Variants in AGMO observed in about 807,000 individuals in gnomAD.
The protein encoded by AGMO is glyceryl-ether monooxygenase.
In AGMO, 75 loss-of-function variants were observed where a neutral mutation model predicts 60.2. The observed-to-expected ratio is 1.25, with a 90% CI of 1.03 to 1.51. The LOEUF is 1.51. Among genes scored for constraint, AGMO ranks in the 40% most tolerant of loss-of-function variants. The pLI is 0.00. For synonymous variants in AGMO, 261 were observed against 177.1 expected, an observed-to-expected ratio of 1.47 and a Z score of -3.76; for missense variants, 763 against 525.5, an observed-to-expected ratio of 1.45 and a Z score of -4.42.
At chr7:15,445,137 T>A (rs760568683) in intron 3 of AGMO, among the ~76,000 whole-genome samples, 3 of 152,192 alleles carry the variant, frequency 2.0e-5, no homozygotes, top group Non-Finnish European at 4.4e-5. Flanking sequence ...AGCGAACATG[T>A]CTAAAACTTG....
chr7:15,394,397 G>A (rs1047417464), intron 5 of AGMO, among the ~76,000 whole-genome samples: 10 of 152,120 alleles, frequency 6.6e-5, no homozygotes, highest in Admixed American at 5.9e-4. Context: ...TGAGTATGGT[G>A]TCGTGGTTAA....
At chr7:15,349,969 C>T (rs544602332) in intron 12 of AGMO, among the ~76,000 whole-genome samples, 76 of 152,224 alleles carry the variant, frequency 5.0e-4, no homozygotes, top group African/African-American at 1.8e-3. Context: ...ACAGCCAAAT[C>T]ATATCAAATG....
intron 12 of AGMO, among the ~76,000 whole-genome samples, chr7:15,356,719 A>C (rs1478085765): frequency 6.6e-6 from 1 of 151,778 alleles, no homozygotes; most frequent in South Asian, 2.1e-4. Context: ...ATCTAATTTA[A>C]TATCTCTCAA....
In AGMO at chr7:15,475,481, A is replaced by T. The variant is rs1040930565; in HGVS notation, c.410-44373T>A. On this transcript the variant is annotated intron_variant, in intron 3 of 12. Transcript: ENST00000342526. The stretch of plus-strand genomic sequence containing the variant: ...CCGCATGTTCTCACTCACAAGTGGG[A>T]GATGAATAATGAGAATACATGGATG... Among the ~76,000 whole-genome samples, 3 of 152,098 alleles carry T rather than the reference A, an allele frequency of 2.0e-5. No homozygotes were observed. The South Asian group carries it at 6.2e-4, about 31-fold the overall frequency.
At chr7:15,291,219 A>G (rs1784254435) in intron 12 of AGMO, among the ~76,000 whole-genome samples, 1 of 152,214 alleles carries the variant, frequency 6.6e-6, no homozygotes, top group Non-Finnish European at 1.5e-5. Context: ...GGTTAAGTCT[A>G]AGGTAGGTGT....
At chr7:15,545,677 C>T (rs995529948) in intron 2 of AGMO, among the ~76,000 whole-genome samples, 1 of 152,006 alleles carries the variant, frequency 6.6e-6, no homozygotes, top group African/African-American at 2.4e-5. Flanking sequence ...TAGAATATAT[C>T]TTGCCATCTA....
At chr7:15,362,381 C>G (rs977327157) in intron 12 of AGMO, among the ~76,000 whole-genome samples, 3 of 152,226 alleles carry the variant, frequency 2.0e-5, no homozygotes, top group Admixed American at 6.5e-5. Flanking sequence ...TCTCACTTGA[C>G]CTCTCAACAG....
rs188218749 is a variant in AGMO at position 15,406,836 on chromosome 7, A to T, written c.609+11722T>A. ...CATATATACCCACGTATACACATAT[A>T]TGTATATGTATATGTGATCCTAAAA... On this transcript the variant is annotated intron_variant, in intron 5 of 12. Transcript: ENST00000342526. Among the ~76,000 whole-genome samples, 86 of 113,354 alleles carry T rather than the reference A, an allele frequency of 7.6e-4. 1 individual carries two copies. In the East Asian group the frequency reaches 0.02, roughly 26 times the overall value. The allele number at this position is 113,354 out of a possible 152,430, so 74.4% of individuals were successfully genotyped here.
chr7:15,143,381 A>G, the AGMO span, among the ~76,000 whole-genome samples: 47 of 152,304 alleles, frequency 3.1e-4, no homozygotes, highest in South Asian at 9.5e-3. Context: ...TGCTCAATTT[A>G]TCTACCCAAT....
chr7:15,135,313 T>G, the AGMO span, among the ~76,000 whole-genome samples: 1 of 152,080 alleles, frequency 6.6e-6, no homozygotes, highest in Non-Finnish European at 1.5e-5. Flanking sequence ...CTATCGAAGC[T>G]GATCAGAATC....
intron 12 of AGMO, among the ~76,000 whole-genome samples, chr7:15,266,942 C>A (rs1783449964): frequency 6.6e-6 from 1 of 151,944 alleles, no homozygotes; most frequent in South Asian, 2.1e-4. Flanking sequence ...AAGAGGCAAT[C>A]TACTCTCTAA....
chr7:15,140,736 T>G, the AGMO span, among the ~76,000 whole-genome samples: 1 of 152,188 alleles, frequency 6.6e-6, no homozygotes, highest in South Asian at 2.1e-4. Flanking sequence ...ATTTTGGTTC[T>G]TTCAAATTTT....
chr7:15,237,766 A>T (rs150027861), intron 12 of AGMO, among the ~76,000 whole-genome samples: 1 of 152,098 alleles, frequency 6.6e-6, no homozygotes, highest in Non-Finnish European at 1.5e-5. Flanking sequence ...AAGTGTAGAC[A>T]GGCTTTCTTC....
chr7:15,557,296 G>T (rs562358174), intron 2 of AGMO, among the ~76,000 whole-genome samples: 7 of 152,004 alleles, frequency 4.6e-5, no homozygotes, highest in Non-Finnish European at 1.0e-4. Context: ...CTTCACAAAC[G>T]AATTAGCAAA....
Position 15,449,332 on chromosome 7 carries a change from T to TTC in AGMO, c.410-18226_410-18225dup, listed in dbSNP as rs71004379. Among the ~76,000 whole-genome samples, 1,418 of 149,834 alleles carry TTC rather than the reference T, an allele frequency of 9.5e-3. 27 individuals carry two copies. The East Asian group carries it at 0.097, about 10-fold the overall frequency. Reference sequence around the variant, plus strand: ...TTTAGCATATTAAGAGTGCTTCTCTTTCTCTCTCTCTCTCTCTCTCTCTCT... The same window carrying TTC: ...TTTAGCATATTAAGAGTGCTTCTCTTTCTCTCTCTCTCTCTCTCTCTCTCTCT... On this transcript the variant is annotated intron_variant, in intron 3 of 12. Coordinates refer to ENST00000342526, the MANE Select transcript of AGMO (RefSeq NM_001004320.2).
At chr7:15,305,819 C>G (rs929460895) in intron 12 of AGMO, among the ~76,000 whole-genome samples, 2 of 151,750 alleles carry the variant, frequency 1.3e-5, no homozygotes, top group African/African-American at 4.8e-5. Flanking sequence ...TGTTTTTCCT[C>G]CAGAAAGGCA....
rs1182325951 is a variant in AGMO, at chr7:15,322,729, T to A, written c.1263+42785A>T. ...AAATATATATAAATATATAAATATA[T>A]ATATAAATATATAAATATATATAAA... On this transcript the variant is annotated intron_variant, in intron 12 of 12. Transcript: ENST00000342526. Among the ~76,000 whole-genome samples the A allele has an allele frequency of 5.4e-3, 678 of 125,244 alleles. 56 individuals carry two copies. The highest frequency in any genetic ancestry group is 0.019 in the African/African-American group (639 of 33,050). 82.2% of individuals were successfully genotyped at this position (125,244 alleles called of 152,430 possible).
intron 4 of AGMO, among the ~76,000 whole-genome samples, chr7:15,429,076 A>G (rs1290424539): frequency 2.0e-5 from 3 of 152,042 alleles, no homozygotes. Flanking sequence ...CAGTTGTAAA[A>G]TAGGCAGTGA....
intron 8 of AGMO, among the ~76,000 whole-genome samples, chr7:15,388,050 G>A (rs907747229): frequency 7.2e-5 from 11 of 152,190 alleles, no homozygotes; most frequent in African/African-American, 2.2e-4. Context: ...TGGGATTACA[G>A]GTGCCTGCCA....
Sources: allele counts gnomAD v4.1 joint callset (sites outside exome capture counted in the v4.1 genomes callset), GRCh38; gene constraint gnomAD v4.1.1; transcripts MANE v1.5; gene names NCBI Gene and HGNC (gene_info 2026-07-23, HGNC 2026-07-21).